PAX5: variants seen among roughly 807,000 people sequenced by gnomAD.
PAX5 encodes the protein paired box protein Pax-5.
PAX5 carries 9 observed loss-of-function variants against 43.7 expected under a neutral mutation model. That is an observed-to-expected ratio of 0.21 (90% CI 0.12 to 0.36). The LOEUF (loss-of-function observed/expected upper bound fraction) is 0.36. PAX5 is among the 10% of genes least tolerant of loss of function. The pLI is 1.00. For synonymous variants in PAX5, 228 were observed against 214.3 expected (o/e 1.06, Z -0.56); for missense variants, 383 against 532.7 (o/e 0.72, Z 2.77).
chr9:36,863,892 G>A (rs527462424), intron 8 of PAX5, among the ~76,000 whole-genome samples: 1 of 152,288 alleles, frequency 6.6e-6, no homozygotes, highest in Non-Finnish European at 1.5e-5. Flanking sequence ...GGGCGGATCA[G>A]GAGGTCAGGA....
At chr9:36,905,720 A>G (rs1828766308) in intron 7 of PAX5, among the ~76,000 whole-genome samples, 2 of 152,202 alleles carry the variant, frequency 1.3e-5, no homozygotes, top group African/African-American at 2.4e-5. Context: ...GAGAGGGAAA[A>G]AAAAGACCCA....
chr9:36,877,693 A>G (rs77413988), intron 8 of PAX5, among the ~76,000 whole-genome samples: 2,759 of 152,326 alleles, frequency 0.018, 30 homozygotes, highest in Middle Eastern at 0.068. Flanking sequence ...GTCACAAATC[A>G]GCATCTGAAC....
At chr9:37,001,778 T>A (rs1411065) in intron 5 of PAX5, among the ~76,000 whole-genome samples, 1 of 150,110 alleles carries the variant, frequency 6.7e-6, no homozygotes, top group Non-Finnish European at 1.5e-5. Flanking sequence ...ATTTCTGTCA[T>A]GCTGCTCTCA....
chr9:36,952,264 G>A (rs1833075707), intron 6 of PAX5, among the ~76,000 whole-genome samples: 1 of 81,142 alleles, frequency 1.2e-5, no homozygotes, highest in African/African-American at 5.1e-5. Flanking sequence ...TTTTGAGACA[G>A]AGTCTTGCTC....
intron 1 of PAX5, among the ~76,000 whole-genome samples, chr9:37,021,515 A>C (rs1330420103): frequency 1.3e-5 from 2 of 152,198 alleles, no homozygotes; most frequent in Non-Finnish European, 2.9e-5. Context: ...GATTTGTTAT[A>C]AAGGAGTTTC....
At position 36,878,435 on chromosome 9, in the gene PAX5, A is replaced by AG. The variant is rs567056637; in HGVS notation, c.1012+3568dup. 2.1e-3 allele frequency among the ~76,000 whole-genome samples: 312 copies of AG among 152,154 alleles called. 1 individual carries two copies. The highest frequency in any genetic ancestry group is 7.2e-3 in the African/African-American group (299 of 41,498). ...GCCAGGCACAAGCATCTTCCCCCAGAGGGGGGGCCATCTGGGAAGGCTTTT... is the reference window on the plus strand; with the variant it reads ...GCCAGGCACAAGCATCTTCCCCCAGAGGGGGGGGCCATCTGGGAAGGCTTTT... On this transcript the variant is annotated intron_variant, in intron 8 of 9. Transcript: ENST00000358127.
At chr9:36,860,123 G>T (rs1311850878) in intron 8 of PAX5, among the ~76,000 whole-genome samples, 1 of 151,834 alleles carries the variant, frequency 6.6e-6, no homozygotes, top group Non-Finnish European at 1.5e-5. Flanking sequence ...TAGATCACGA[G>T]GTCAGGAGTT....
intron 8 of PAX5, among the ~76,000 whole-genome samples, chr9:36,850,857 G>A (rs536885045): frequency 1.3e-5 from 2 of 152,244 alleles, no homozygotes; most frequent in South Asian, 2.1e-4. Context: ...CTTCTCCATC[G>A]GCATTCCCCC....
chr9:37,012,810 TAACA>T (rs1839061984), intron 3 of PAX5, among the ~76,000 whole-genome samples: 1 of 152,238 alleles, frequency 6.6e-6, no homozygotes, highest in African/African-American at 2.4e-5. Context: ...TACGTTTTTC[TAACA>T]TACATTAAAA....
intron 6 of PAX5, among the ~76,000 whole-genome samples, chr9:36,955,862 T>C (rs1022466828): frequency 1.3e-5 from 2 of 151,798 alleles, no homozygotes; most frequent in African/African-American, 4.8e-5. Flanking sequence ...TTGTTTGCAA[T>C]AGGAGAGCCT....
chr9:36,886,296 G>C (rs772625957), intron 7 of PAX5, among the ~76,000 whole-genome samples: 3 of 152,110 alleles, frequency 2.0e-5, no homozygotes, highest in Admixed American at 1.3e-4. Flanking sequence ...TGTCATCACT[G>C]TTCTCTACTT....
intron 3 of PAX5, among the ~76,000 whole-genome samples, chr9:37,014,638 T>C (rs1839239350): frequency 1.3e-5 from 2 of 152,174 alleles, no homozygotes; most frequent in East Asian, 3.9e-4. Flanking sequence ...TGAGCCTAGG[T>C]TTGCAGGGAC....
At position 36,833,832 on chromosome 9, in the gene PAX5, A is replaced by G. The variant is rs1821446693; in HGVS notation, c.*6728T>C. ...ATCTCCCACTTTCAAAGGCAATTCA[A>G]TTGTGGTTTTTGTTGTTGGTTTTTT... On this transcript the variant is annotated 3_prime_UTR_variant, in exon 10 of 10. Transcript: ENST00000358127. The G allele has an allele frequency of 8.6e-6, 2 of 231,558 alleles. No homozygotes were observed. The highest frequency in any genetic ancestry group is 1.7e-5 in the Non-Finnish European group (2 of 117,738). 14.3% of individuals were successfully genotyped at this position (231,558 alleles called of 1,614,324 possible).
chr9:36,859,228 G>C (rs918272684), intron 8 of PAX5, among the ~76,000 whole-genome samples: 11 of 152,304 alleles, frequency 7.2e-5, no homozygotes, highest in Admixed American at 3.3e-4. Context: ...TGCCCACGGA[G>C]AGCCCACAGT....
chr9:37,001,095 A>C (rs1837810619), intron 5 of PAX5, among the ~76,000 whole-genome samples: 1 of 152,168 alleles, frequency 6.6e-6, no homozygotes, highest in African/African-American at 2.4e-5. Context: ...CAAGACCAAC[A>C]CCACCCACAT....
At chr9:36,997,896 A>G (rs991570461) in intron 5 of PAX5, among the ~76,000 whole-genome samples, 2 of 152,214 alleles carry the variant, frequency 1.3e-5, no homozygotes, top group African/African-American at 4.8e-5. Flanking sequence ...AAGTGGGTAG[A>G]TGCACTTGCA....
intron 8 of PAX5, among the ~76,000 whole-genome samples, chr9:36,873,210 G>A (rs1254217860): frequency 6.6e-6 from 1 of 152,176 alleles, no homozygotes; most frequent in African/African-American, 2.4e-5. Context: ...TAGATTCCTA[G>A]GTCTTAGCTC....
At chr9:36,869,847 A>AATGGATGGATGG (rs113287865) in intron 8 of PAX5, among the ~76,000 whole-genome samples, 11 of 117,896 alleles carry the variant, frequency 9.3e-5, no homozygotes, top group South Asian at 5.8e-4. Flanking sequence ...TGGATGGATA[A>AATGGATGGATGG]ATGGATGGAT....
At chr9:36,997,863 G>A (rs114193137) in intron 5 of PAX5, among the ~76,000 whole-genome samples, 179 of 152,366 alleles carry the variant, frequency 1.2e-3, no homozygotes, top group African/African-American at 4.0e-3. Context: ...CAGCCTCAGG[G>A]TCAGGCAGCA....
Sources: gnomAD v4.1 joint callset for allele counts (sites outside exome capture counted in the v4.1 genomes callset) on GRCh38, gnomAD v4.1.1 for gene constraint, MANE v1.5 for transcripts, NCBI Gene and HGNC (gene_info 2026-07-23, HGNC 2026-07-21) for gene names.